Variants in RBFOX3 observed in about 807,000 individuals in gnomAD.
RBFOX3 encodes the protein RNA binding protein fox-1 homolog 3.
RBFOX3 carries 17 observed loss-of-function variants against 48.7 expected under a neutral mutation model. That is an observed-to-expected ratio of 0.35 (90% CI 0.24 to 0.52). RBFOX3 has a LOEUF of 0.52. Ranked by LOEUF, RBFOX3 falls within the 20% of genes least tolerant of loss-of-function variation. The pLI, the probability that RBFOX3 is intolerant of heterozygous loss-of-function variation, is 0.94. For missense variants in RBFOX3, 382 were observed against 497.5 expected (o/e 0.77, Z 2.21); for synonymous variants, 212 against 209.5 (o/e 1.01, Z -0.10).
intron 1 of RBFOX3, among the ~76,000 whole-genome samples, chr17:79,573,377 G>A (rs1428332086): frequency 6.6e-6 from 1 of 152,232 alleles, no homozygotes; most frequent in Admixed American, 6.5e-5. Context: ...GACGACTCTG[G>A]GCTATGCAGT....
chr17:79,233,318 A>C (rs2061250389), intron 4 of RBFOX3, among the ~76,000 whole-genome samples: 1 of 152,208 alleles, frequency 6.6e-6, no homozygotes, highest in African/African-American at 2.4e-5. Flanking sequence ...TACAGCGACA[A>C]GAAGCAGAGT....
intron 1 of RBFOX3, among the ~76,000 whole-genome samples, chr17:79,584,963 C>T (rs1006196755): frequency 0.1 from 15,632 of 151,856 alleles, 1,061 homozygotes; most frequent in Middle Eastern, 0.17. Flanking sequence ...GACGGGATTT[C>T]ACCGTGTTAG....
chr17:79,435,998 C>T lies in RBFOX3; in HGVS notation c.-175+46456G>A, dbSNP rs1272727795. Among the ~76,000 whole-genome samples, 11 of 152,342 alleles carry T rather than the reference C, an allele frequency of 7.2e-5. No homozygotes were observed. The South Asian group carries it at 1.7e-3, about 23-fold the overall frequency. ...ACAGAAACGGCACTGGGATCTCAGA[C>T]GCTCCCTGCAGCTGTTTTCACCGCC... is the stretch of plus-strand genomic sequence containing the variant. On this transcript the variant is annotated intron_variant, in intron 2 of 14. Transcript: ENST00000693108.
In RBFOX3 at chr17:79,220,374, G is replaced by A. The variant is rs559859554; in HGVS notation, c.-34+15392C>T. On this transcript the variant is annotated intron_variant, in intron 4 of 14. Transcript: ENST00000693108. The surrounding 1 kb of genome is among the most constrained non-coding windows in gnomAD (Gnocchi z 5.9). ...AGTGCGGCTCTCCTCTCTGCCTCCC[G>A]CTCGCTCCTGCTCACTCCAGGTCCT... is the stretch of plus-strand genomic sequence containing the variant. 3.3e-5 allele frequency among the ~76,000 whole-genome samples: 5 copies of A among 152,204 alleles called. No individual in the cohort carries two copies. The South Asian group carries it at 8.3e-4, about 25-fold the overall frequency.
intron 1 of RBFOX3, among the ~76,000 whole-genome samples, chr17:79,582,627 A>C (rs1469513230): frequency 6.6e-6 from 1 of 151,968 alleles, no homozygotes; most frequent in African/African-American, 2.4e-5. Flanking sequence ...CAAAGACCTC[A>C]TCTCTACAAA....
At chr17:79,517,444 CAAAAAAA>C (rs1231600861) in intron 1 of RBFOX3, among the ~76,000 whole-genome samples, 1 of 94,974 alleles carries the variant, frequency 1.1e-5, no homozygotes, top group Non-Finnish European at 2.1e-5. Flanking sequence ...GAGTCTGTCT[CAAAAAAA>C]AAAAAAAAAA....
intron 4 of RBFOX3, among the ~76,000 whole-genome samples, chr17:79,218,055 G>T (rs1269991634): frequency 6.6e-6 from 1 of 152,186 alleles, no homozygotes; most frequent in Non-Finnish European, 1.5e-5. Flanking sequence ...GGGAGCTGGG[G>T]TCAGGTGGAC....
chr17:79,211,705 G>A (rs868672673), intron 4 of RBFOX3, among the ~76,000 whole-genome samples: 4 of 152,062 alleles, frequency 2.6e-5, no homozygotes, highest in Admixed American at 2.0e-4. Context: ...GCTGTACCCC[G>A]GTCCATCTCC....
chr17:79,433,287 C>T (rs2068802102), intron 2 of RBFOX3, among the ~76,000 whole-genome samples: 1 of 152,242 alleles, frequency 6.6e-6, no homozygotes, highest in Non-Finnish European at 1.5e-5. Flanking sequence ...CCTACCCCTA[C>T]TCTAGCTACC....
chr17:79,312,629 A>ACTG, intron 2 of RBFOX3, among the ~76,000 whole-genome samples: 1 of 152,296 alleles, frequency 6.6e-6, no homozygotes, highest in East Asian at 1.9e-4. Flanking sequence ...GAGAGGGCAG[A>ACTG]CTGCTGTACA....
chr17:79,266,552 T>A (rs1443956589), intron 3 of RBFOX3, among the ~76,000 whole-genome samples: 1 of 152,024 alleles, frequency 6.6e-6, no homozygotes, highest in East Asian at 1.9e-4. Flanking sequence ...GCTCCCGAAG[T>A]GCTTGGAATT....
chr17:79,182,301 C>G (rs1242814134), intron 4 of RBFOX3, among the ~76,000 whole-genome samples: 1 of 152,142 alleles, frequency 6.6e-6, no homozygotes, highest in East Asian at 1.9e-4. Flanking sequence ...GGGTGGGAAC[C>G]GAAAACAAGG....
intron 1 of RBFOX3, among the ~76,000 whole-genome samples, chr17:79,551,768 T>G (rs1050110335): frequency 1.3e-5 from 2 of 152,200 alleles, no homozygotes. Context: ...TCTCACCATG[T>G]GACACTCTGG....
intron 4 of RBFOX3, among the ~76,000 whole-genome samples, chr17:79,185,021 C>T (rs140197474): frequency 0.016 from 2,434 of 152,302 alleles, 30 homozygotes; most frequent in Non-Finnish European, 0.022. Flanking sequence ...GGCCTCTCCA[C>T]GCCCAGTTTA....
At chr17:79,179,362 C>G (rs1038720178) in intron 4 of RBFOX3, among the ~76,000 whole-genome samples, 2 of 152,216 alleles carry the variant, frequency 1.3e-5, no homozygotes, top group Non-Finnish European at 2.9e-5. Context: ...TCGGAAACGC[C>G]GCATCCTCCA....
chr17:79,115,823 G>A, intron 4 of RBFOX3, 75 bp from the exon 5 acceptor site: 4 of 571,544 alleles, frequency 7.0e-6, no homozygotes. Flanking sequence ...GGGGCCTTGT[G>A]GCTGAGCAGA....
chr17:79,206,850 C>T (rs558664628), intron 4 of RBFOX3, among the ~76,000 whole-genome samples: 1 of 152,304 alleles, frequency 6.6e-6, no homozygotes, highest in Non-Finnish European at 1.5e-5. Flanking sequence ...GAAGTCCTAA[C>T]TGGATTGAGT....
intron 3 of RBFOX3, among the ~76,000 whole-genome samples, chr17:79,303,002 G>A (rs1164364118): frequency 6.6e-6 from 1 of 152,138 alleles, no homozygotes; most frequent in African/African-American, 2.4e-5. Flanking sequence ...CCGGGAGTTT[G>A]AGGCTGGCTT....
chr17:79,257,846 G>C (rs1344024275), intron 3 of RBFOX3, among the ~76,000 whole-genome samples: 1 of 152,136 alleles, frequency 6.6e-6, no homozygotes, highest in East Asian at 1.9e-4. Flanking sequence ...CTCCCAAAGT[G>C]CTGGGATTAC....
Sources: gnomAD v4.1 joint callset for allele counts (sites outside exome capture counted in the v4.1 genomes callset) on GRCh38, gnomAD v4.1.1 for gene constraint, Gnocchi (gnomAD v3.1) non-coding constraint, MANE v1.5 for transcripts, NCBI Gene and HGNC (gene_info 2026-07-23, HGNC 2026-07-21) for gene names.